NLGN4X: variants seen among roughly 807,000 people sequenced by gnomAD.
NLGN4X encodes the protein neuroligin 4 X-linked, also known as neuroligin-4, X-linked.
In NLGN4X, 3 loss-of-function variants were observed where a neutral mutation model predicts 40.3. The observed-to-expected ratio is 0.07, with a 90% CI of 0.03 to 0.19. NLGN4X has a LOEUF of 0.19. Ranked by LOEUF, NLGN4X falls within the 10% of genes least tolerant of loss-of-function variation. NLGN4X has a pLI of 1.00. For missense variants in NLGN4X, 382 were observed against 708.3 expected, an observed-to-expected ratio of 0.54 and a Z score of 5.23; for synonymous variants, 270 against 306.8, an observed-to-expected ratio of 0.88 and a Z score of 1.25.
chrX:6,177,373 G>A (rs974487399), intron 1 of NLGN4X, among the ~76,000 whole-genome samples: 3 of 111,523 alleles, frequency 2.7e-5, no homozygotes, highest in Middle Eastern at 4.7e-3. Flanking sequence ...TGGCCAGGGT[G>A]GTCTCGAACT....
In NLGN4X at chrX:5,968,457, CTGTG is replaced by C. The variant is rs529573810; in HGVS notation, c.626-59222_626-59219del. Among the ~76,000 whole-genome samples, 214 of 46,957 alleles carry C rather than the reference CTGTG, an allele frequency of 4.6e-3. 3 individuals carry two copies. Among genetic ancestry groups the C allele is most frequent in the East Asian group, 0.016 (26 of 1,672 alleles). The allele number at this position is 46,957 out of a possible 115,157, so 40.8% of individuals were successfully genotyped here. ...AGTACCCCTCTCTCTCTCTCTCTCTCTGTGTGTGTGTGTGTGTGTGTGTGTGTGT... is the reference window on the plus strand; with the variant it reads ...AGTACCCCTCTCTCTCTCTCTCTCTCTGTGTGTGTGTGTGTGTGTGTGTGT... On this transcript the variant is annotated intron_variant, in intron 3 of 5. Coordinates refer to ENST00000381095, the MANE Select transcript of NLGN4X (RefSeq NM_181332.3).
At chrX:6,084,323 T>G (rs191873935) in intron 2 of NLGN4X, among the ~76,000 whole-genome samples, 3 of 111,169 alleles carry the variant, frequency 2.7e-5, no homozygotes, top group African/African-American at 9.8e-5. Flanking sequence ...ATGGTCACTA[T>G]TAATGGAAGG....
At chrX:6,036,607 G>GGC (rs1168983463) in intron 2 of NLGN4X, among the ~76,000 whole-genome samples, 9 of 78,182 alleles carry the variant, frequency 1.2e-4, no homozygotes, top group African/African-American at 3.7e-4. Context: ...GCTTGTGGCT[G>GGC]GCGCACACAC....
At chrX:6,116,408 T>G (rs1569246661) in intron 2 of NLGN4X, among the ~76,000 whole-genome samples, 1 of 31,097 alleles carries the variant, frequency 3.2e-5, no homozygotes, top group Non-Finnish European at 5.4e-5. Flanking sequence ...TTTTTTTTTT[T>G]TTTTTTTTTT....
intron 5 of NLGN4X, among the ~76,000 whole-genome samples, chrX:5,896,860 T>G (rs1240518033): frequency 8.9e-6 from 1 of 112,352 alleles, no homozygotes; most frequent in Non-Finnish European, 1.9e-5. Context: ...TTCATTCAGC[T>G]TAAAATTCCT....
At chrX:5,964,267 G>A (rs2034753275) in intron 3 of NLGN4X, among the ~76,000 whole-genome samples, 1 of 111,942 alleles carries the variant, frequency 8.9e-6, no homozygotes, top group Non-Finnish European at 1.9e-5. Context: ...ACATTTGACT[G>A]AGGAAAGTGT....
intron 1 of NLGN4X, among the ~76,000 whole-genome samples, chrX:6,174,268 A>AT (rs899868433): frequency 4.5e-5 from 5 of 110,702 alleles, no homozygotes; most frequent in East Asian, 2.8e-4. Flanking sequence ...CAAAAAAAAA[A>AT]ATATATAACA....
At position 5,905,754 on chromosome X, in the gene NLGN4X, G is replaced by A. The variant is rs752920207; in HGVS notation, c.812-1888C>T. 3.6e-5 allele frequency among the ~76,000 whole-genome samples: 4 copies of A among 112,003 alleles called. No individual in the cohort carries two copies. In the East Asian group the frequency reaches 1.1e-3, roughly 32 times the overall value. ...GAGTGCAGTGGCGGGATCTTGGCTC[G>A]CTGGAGCCTCTGCCTTCCAGGCTCA... is the stretch of plus-strand genomic sequence containing the variant. On this transcript the variant is annotated intron_variant, in intron 4 of 5. Coordinates refer to ENST00000381095, the MANE Select transcript of NLGN4X (RefSeq NM_181332.3).
At chrX:6,163,434 T>C (rs949785536) in intron 1 of NLGN4X, among the ~76,000 whole-genome samples, 5 of 111,977 alleles carry the variant, frequency 4.5e-5, no homozygotes, top group Non-Finnish European at 9.4e-5. Context: ...GAGATGAAGC[T>C]TGCCTTTCAA....
At chrX:5,909,738 G>A (rs1042113345) in intron 3 of NLGN4X, among the ~76,000 whole-genome samples, 2 of 110,670 alleles carry the variant, frequency 1.8e-5, no homozygotes, top group Non-Finnish European at 3.8e-5. Context: ...CTTTCTCACT[G>A]AATTAGTTAT....
Position 6,039,940 on chromosome X carries a change from G to T in NLGN4X, c.473-10508C>A, listed in dbSNP as rs2037113999. On this transcript the variant is annotated intron_variant, in intron 2 of 5. Transcript: ENST00000381095. ...TTTATGCATGTTGAATATGCATTTTGTTTGTTTGTTTTTTAGAGACAAAGT... is the reference window on the plus strand; with the variant it reads ...TTTATGCATGTTGAATATGCATTTTTTTTGTTTGTTTTTTAGAGACAAAGT... Among the ~76,000 whole-genome samples the T allele has an allele frequency of 3.6e-5, 4 of 111,514 alleles. No individual in the cohort carries two copies. In the South Asian group the frequency reaches 1.5e-3, roughly 42 times the overall value.
intron 2 of NLGN4X, among the ~76,000 whole-genome samples, chrX:6,138,384 T>A (rs1459813561): frequency 1.8e-5 from 2 of 111,483 alleles, no homozygotes; most frequent in Non-Finnish European, 3.8e-5. Flanking sequence ...AGCTATGTAT[T>A]AGGAGAGAAA....
intron 1 of NLGN4X, among the ~76,000 whole-genome samples, chrX:6,174,851 G>C (rs1304874756): frequency 9.0e-6 from 1 of 111,015 alleles, no homozygotes; most frequent in African/African-American, 3.3e-5. Context: ...TACCACCATT[G>C]ATTGGGATCA....
chrX:5,988,499 TTACCTAGAATTTAACATGAAGCAAG>T (rs2035590156), intron 3 of NLGN4X, among the ~76,000 whole-genome samples: 1 of 112,001 alleles, frequency 8.9e-6, no homozygotes, highest in African/African-American at 3.3e-5. Flanking sequence ...AGAAACCAGA[TTACCTAGAATTTAACATGAAGCAAG>T]TACCTTCATT....
At chrX:6,004,743 A>G (rs1403288020) in intron 3 of NLGN4X, among the ~76,000 whole-genome samples, 1 of 111,882 alleles carries the variant, frequency 8.9e-6, no homozygotes, top group Non-Finnish European at 1.9e-5. Context: ...TGGCTTATGT[A>G]CTCCCAACCC....
intron 1 of NLGN4X, among the ~76,000 whole-genome samples, chrX:6,192,440 T>C (rs1416381092): frequency 3.6e-5 from 4 of 111,794 alleles, no homozygotes; most frequent in African/African-American, 1.3e-4. Flanking sequence ...AATTACTTCT[T>C]ATAATATGAC....
At position 6,056,291 on chromosome X, in the gene NLGN4X, C is replaced by T. The variant is rs764672507; in HGVS notation, c.473-26859G>A. On this transcript the variant is annotated intron_variant, in intron 2 of 5. Transcript: ENST00000381095. ...AGGAGTTTGAGACCAGCCTGGCCAA[C>T]ATGGCAAAACCCCATCTCTATTAAA... Among the ~76,000 whole-genome samples the T allele has an allele frequency of 2.1e-4, 23 of 111,272 alleles. No individual in the cohort carries two copies. The East Asian group carries it at 4.6e-3, about 22-fold the overall frequency.
intron 3 of NLGN4X, among the ~76,000 whole-genome samples, chrX:5,956,154 T>C (rs191467046): frequency 1.0e-4 from 11 of 108,054 alleles, no homozygotes; most frequent in Admixed American, 1.0e-3. Flanking sequence ...ATCTGTAATA[T>C]ATAATATGAA....
intron 2 of NLGN4X, among the ~76,000 whole-genome samples, chrX:6,116,533 AG>A (rs1176484907): frequency 3.4e-4 from 30 of 89,055 alleles, no homozygotes; most frequent in African/African-American, 1.2e-3. Flanking sequence ...CTTCTGCCTC[AG>A]CCCCCGCCTC....
Sources: gnomAD v4.1 joint callset for allele counts (sites outside exome capture counted in the v4.1 genomes callset) on GRCh38, gnomAD v4.1.1 for gene constraint, MANE v1.5 for transcripts, NCBI Gene and HGNC (gene_info 2026-07-23, HGNC 2026-07-21) for gene names.